ARHGAP22: variants seen among roughly 807,000 people sequenced by gnomAD.
ARHGAP22 encodes Rho GTPase activating protein 22.
ARHGAP22 carries 48 observed loss-of-function variants against 59.1 expected under a neutral mutation model. The ratio of observed to expected loss-of-function variants is 0.81; its 90% CI spans 0.64 to 1.03. ARHGAP22 has a LOEUF of 1.03. Among genes scored for constraint, ARHGAP22 ranks in the 50% least tolerant of loss-of-function variants. ARHGAP22 has a pLI of 0.00. For missense variants in ARHGAP22, 1,015 were observed against 958.7 expected, an observed-to-expected ratio of 1.06 and a Z score of -0.78; for synonymous variants, 445 against 416.4, an observed-to-expected ratio of 1.07 and a Z score of -0.84.
At chr10:48,623,645 C>A (rs1053047242) in intron 1 of ARHGAP22, among the ~76,000 whole-genome samples, 1 of 152,148 alleles carries the variant, frequency 6.6e-6, no homozygotes, top group Admixed American at 6.5e-5. Context: ...CCTCAAAGCC[C>A]TTTGAAGTAA....
At chr10:48,496,577 C>T (rs896540504) in intron 3 of ARHGAP22, among the ~76,000 whole-genome samples, 6 of 152,072 alleles carry the variant, frequency 3.9e-5, no homozygotes, top group Admixed American at 2.6e-4. Flanking sequence ...CTGTTCTGGC[C>T]GCTCTCTTCA....
At chr10:48,549,071 A>G (rs551803583) in intron 3 of ARHGAP22, among the ~76,000 whole-genome samples, 15 of 152,354 alleles carry the variant, frequency 9.8e-5, no homozygotes, top group African/African-American at 3.4e-4. Context: ...TGGTGTGCTC[A>G]GCTTCATTCC....
chr10:48,656,265 T>TGGGGGGGGGGGGGGGGGGGG (rs760924651), upstream of ARHGAP22: 1 of 101,666 alleles, frequency 9.8e-6, no homozygotes, highest in African/African-American at 5.7e-5. Context: ...TCGGCGCCTC[T>TGGGGGGGGGGGGGGGGGGGG]GGGGGGGGGG....
At chr10:48,583,852 G>C (rs1297120521) in intron 1 of ARHGAP22, among the ~76,000 whole-genome samples, 1 of 152,208 alleles carries the variant, frequency 6.6e-6, no homozygotes, top group Non-Finnish European at 1.5e-5. Context: ...GGGCAGAGGG[G>C]CCAGCACTCC....
At chr10:48,576,771 T>C (rs1473628762) in intron 2 of ARHGAP22, among the ~76,000 whole-genome samples, 1 of 152,206 alleles carries the variant, frequency 6.6e-6, no homozygotes, top group Non-Finnish European at 1.5e-5. Flanking sequence ...TCTTTCTCCT[T>C]TTTTTAAGAT....
At chr10:48,613,672 TA>T (rs11314506) in intron 1 of ARHGAP22, among the ~76,000 whole-genome samples, 27,330 of 141,746 alleles carry the variant, frequency 0.19, 2,664 homozygotes, top group East Asian at 0.28. Flanking sequence ...GAGAAGAATG[TA>T]AAAAAAAAAA....
intron 3 of ARHGAP22, among the ~76,000 whole-genome samples, chr10:48,533,471 C>T (rs1340015126): frequency 6.6e-6 from 1 of 152,162 alleles, no homozygotes; most frequent in Non-Finnish European, 1.5e-5. Flanking sequence ...CTTTTATTTG[C>T]ATTTTCTCAG....
At chr10:48,476,582 A>C (rs1263744376) in intron 4 of ARHGAP22, among the ~76,000 whole-genome samples, 2 of 152,178 alleles carry the variant, frequency 1.3e-5, no homozygotes, top group Admixed American at 6.5e-5. Flanking sequence ...GGCATCGCTA[A>C]CTCCTGAGAT....
chr10:48,579,682 G>T (rs1339650573), intron 2 of ARHGAP22, among the ~76,000 whole-genome samples: 1 of 152,212 alleles, frequency 6.6e-6, no homozygotes, highest in African/African-American at 2.4e-5. Flanking sequence ...TTCTCCTCCT[G>T]TGTTGTGAGC....
chr10:48,447,976 G>A, intron 9 of ARHGAP22, among the ~76,000 whole-genome samples: 1 of 149,292 alleles, frequency 6.7e-6, no homozygotes, highest in Non-Finnish European at 1.5e-5. Context: ...CCCCCCATAG[G>A]TCAGGCCTAG....
upstream of ARHGAP22, among the ~76,000 whole-genome samples, chr10:48,654,204 T>C (rs1391990072): frequency 2.6e-5 from 4 of 152,192 alleles, no homozygotes; most frequent in African/African-American, 4.8e-5. Context: ...GGTTTTTTTT[T>C]CCAGTTCTCC....
At chr10:48,570,730 AG>A (rs1316396960) in intron 2 of ARHGAP22, among the ~76,000 whole-genome samples, 2 of 152,168 alleles carry the variant, frequency 1.3e-5, no homozygotes, top group African/African-American at 4.8e-5. Context: ...ATTCACCAAG[AG>A]CAATGAGATC....
chr10:48,610,648 A>G (rs2060847515), intron 1 of ARHGAP22, among the ~76,000 whole-genome samples: 1 of 152,074 alleles, frequency 6.6e-6, no homozygotes, highest in Non-Finnish European at 1.5e-5. Flanking sequence ...AGGGATTAAC[A>G]TTTTGCTCAG....
intron 1 of ARHGAP22, among the ~76,000 whole-genome samples, chr10:48,587,922 G>A (rs1208542744): frequency 1.3e-5 from 2 of 152,210 alleles, no homozygotes; most frequent in African/African-American, 4.8e-5. Context: ...TCCCAGCGGT[G>A]GACAATGTCT....
At chr10:48,460,571 A>T (rs931352723) in intron 4 of ARHGAP22, among the ~76,000 whole-genome samples, 3 of 152,222 alleles carry the variant, frequency 2.0e-5, no homozygotes, top group African/African-American at 7.2e-5. Flanking sequence ...GGAAAACAGT[A>T]TGGCAGTTCC....
chr10:48,570,452 G>A (rs975486905), intron 2 of ARHGAP22, among the ~76,000 whole-genome samples: 2 of 152,182 alleles, frequency 1.3e-5, no homozygotes, highest in Admixed American at 6.5e-5. Context: ...GCTCTCTAAC[G>A]TGCTGCAGAA....
At chr10:48,474,014 C>A (rs962153009) in intron 4 of ARHGAP22, among the ~76,000 whole-genome samples, 1 of 152,148 alleles carries the variant, frequency 6.6e-6, no homozygotes, top group Non-Finnish European at 1.5e-5. Context: ...CTGAACTGGG[C>A]GTGGAAGTTC....
At chr10:48,631,324 G>A (rs1204400707) in intron 1 of ARHGAP22, among the ~76,000 whole-genome samples, 1 of 152,142 alleles carries the variant, frequency 6.6e-6, no homozygotes, top group Non-Finnish European at 1.5e-5. Flanking sequence ...CACAGAATGA[G>A]TTAGAAACTG....
chr10:48,610,968 C>G (rs1418538009), intron 1 of ARHGAP22, among the ~76,000 whole-genome samples: 1 of 152,228 alleles, frequency 6.6e-6, no homozygotes, highest in Non-Finnish European at 1.5e-5. Flanking sequence ...ATGCCTACCA[C>G]ACTTGGGCTT....
Sources: gnomAD v4.1 joint callset for allele counts (sites outside exome capture counted in the v4.1 genomes callset) on GRCh38, gnomAD v4.1.1 for gene constraint, MANE v1.5 for transcripts, NCBI Gene and HGNC (gene_info 2026-07-23, HGNC 2026-07-21) for gene names.